The following DNAH14 variants were observed in gnomAD, a reference collection of about 807,000 sequenced individuals.
DNAH14 encodes the protein axonemal beta dynein heavy chain 14.
In DNAH14, 478 loss-of-function variants were observed where a neutral mutation model predicts 520.9. The observed-to-expected ratio is 0.92, with a 90% CI of 0.85 to 0.99. The LOEUF (loss-of-function observed/expected upper bound fraction) is 0.99, where lower values mean the gene tolerates loss of function less well. Among genes scored for constraint, DNAH14 ranks in the 50% least tolerant of loss-of-function variants. The pLI is 0.00. For missense variants in DNAH14, 4,831 were observed against 5,234.5 expected (o/e 0.92, Z 2.38); for synonymous variants, 1,581 against 1,757.2 (o/e 0.90, Z 2.51).
At chr1:225,117,398 C>A (rs968155073) in intron 23 of DNAH14, among the ~76,000 whole-genome samples, 1 of 150,876 alleles carries the variant, frequency 6.6e-6, no homozygotes, top group African/African-American at 2.4e-5. Flanking sequence ...TGCTCCCAGG[C>A]AATAATGACA....
intron 21 of DNAH14, 66 bp from the exon 22 acceptor site, chr1:225,097,052 A>T (rs1007087827): frequency 8.2e-5 from 110 of 1,339,382 alleles, no homozygotes; most frequent in Non-Finnish European, 1.1e-4. Context: ...TGTTTCTGTT[A>T]TGTAACTCTT....
chr1:225,294,340 A>C (rs2150024981), intron 55 of DNAH14, among the ~76,000 whole-genome samples: 1 of 152,182 alleles, frequency 6.6e-6, no homozygotes, highest in Non-Finnish European at 1.5e-5. Flanking sequence ...TCAGTTTGCT[A>C]GTATTTTGTT....
chr1:225,003,741 G>A (rs1316897755), intron 9 of DNAH14, among the ~76,000 whole-genome samples: 1 of 152,052 alleles, frequency 6.6e-6, no homozygotes, highest in Non-Finnish European at 1.5e-5. Context: ...TATAGAGAAT[G>A]TTTATGTTTC....
At chr1:225,258,550 T>C (rs906131732) in intron 45 of DNAH14, among the ~76,000 whole-genome samples, 1 of 152,212 alleles carries the variant, frequency 6.6e-6, no homozygotes. Flanking sequence ...TAATGCGTAT[T>C]TCAACCCATC....
Position 225,117,899 on chromosome 1 carries a change from T to C in DNAH14, c.3991T>C (p.Phe1331Leu). 1 of 1,549,732 alleles carries C rather than the reference T, an allele frequency of 6.5e-7. No individual in the cohort carries two copies. Among genetic ancestry groups the C allele is most frequent in the Non-Finnish European group, 8.7e-7 (1 of 1,145,570 alleles). The change falls in exon 25 of 86, where the codon TTT becomes CTT. Residue 1331 changes from phenylalanine to leucine, a missense_variant. Physicochemically the swap from Phe to Leu is conservative, Grantham distance 22. Coordinates refer to ENST00000682510, the MANE Select transcript of DNAH14 (RefSeq NM_001367479.1). ...ESVQPHLVKCFENIKQLLIWK... is the reference protein window; with the variant it reads ...ESVQPHLVKCLENIKQLLIWK... ...TTCACAGCCTCATCTTGTGAAATGC[T>C]TTGAAAATATAAAACAATTATTGAT...
chr1:225,145,291 T>C (rs751590372), intron 29 of DNAH14, 35 bp from the exon 30 acceptor site: 28 of 1,511,936 alleles, frequency 1.9e-5, no homozygotes, highest in Non-Finnish European at 2.3e-5. Flanking sequence ...TGTGTCATAA[T>C]TCAAGAAAGA....
At position 225,192,678 on chromosome 1, in the gene DNAH14, A is replaced by G; in HGVS notation, c.5671-18A>G. 4 of 1,517,048 alleles carry G rather than the reference A, an allele frequency of 2.6e-6. No individual in the cohort carries two copies. The highest frequency in any genetic ancestry group is 2.4e-5 in the South Asian group (2 of 82,492). 94.0% of individuals were successfully genotyped at this position (1,517,048 alleles called of 1,614,324 possible). A position where few individuals can be genotyped will look rare whatever the true frequency, so the allele number is the denominator to read the frequency against. ...TCTATAGTTAATGTCTTTAAAAACT[A>G]CACTGGATTTTTCCCAGATTTCAGA... On this transcript the variant is annotated intron_variant, in intron 37 of 85. Transcript: ENST00000682510.
At chr1:225,174,647 A>G (rs1338778994) in intron 36 of DNAH14, among the ~76,000 whole-genome samples, 1 of 152,094 alleles carries the variant, frequency 6.6e-6, no homozygotes, top group Non-Finnish European at 1.5e-5. Flanking sequence ...CTCCTTTCTA[A>G]TTTGGATGTC....
intron 3 of DNAH14, among the ~76,000 whole-genome samples, chr1:224,956,702 T>C (rs890511150): frequency 2.6e-5 from 4 of 152,154 alleles, no homozygotes; most frequent in African/African-American, 9.7e-5. Flanking sequence ...GGTACACCTT[T>C]AGTTGTCTTC....
intron 23 of DNAH14, among the ~76,000 whole-genome samples, chr1:225,103,370 C>T (rs1046350553): frequency 5.9e-5 from 9 of 152,230 alleles, no homozygotes; most frequent in African/African-American, 1.2e-4. Flanking sequence ...CTTGACAATG[C>T]GGGCTCTTTT....
At chr1:225,111,173 G>A (rs2076448137) in intron 23 of DNAH14, among the ~76,000 whole-genome samples, 1 of 152,018 alleles carries the variant, frequency 6.6e-6, no homozygotes, top group Non-Finnish European at 1.5e-5. Context: ...TTTCTTTGTT[G>A]ATTTTCTGTC....
At chr1:225,288,424 A>C (rs1337135508) in intron 54 of DNAH14, among the ~76,000 whole-genome samples, 1 of 152,142 alleles carries the variant, frequency 6.6e-6, no homozygotes, top group Admixed American at 6.6e-5. Context: ...ATTCCGAAGG[A>C]GAGAAAAATT....
At position 225,082,533 on chromosome 1, in the gene DNAH14, C is replaced by T; in HGVS notation, c.3137-16C>T. The T allele has an allele frequency of 6.6e-7, 1 of 1,512,570 alleles. No homozygotes were observed. 93.7% of individuals were successfully genotyped at this position (1,512,570 alleles called of 1,614,324 possible). A position where few individuals can be genotyped will look rare whatever the true frequency, so the allele number is the denominator to read the frequency against. ...ATGAACATATTATAAGCCTACTGAC[C>T]CATTGTTATTTATAGGTTTACCTAA... On this transcript the variant is annotated splice_polypyrimidine_tract_variant and intron_variant, in intron 19 of 85. Coordinates refer to ENST00000682510, the MANE Select transcript of DNAH14 (RefSeq NM_001367479.1).
At chr1:225,073,566 T>G (rs2071813578) in intron 17 of DNAH14, among the ~76,000 whole-genome samples, 1 of 152,170 alleles carries the variant, frequency 6.6e-6, no homozygotes, top group East Asian at 1.9e-4. Context: ...GAGGATGGAA[T>G]GACTAAGTCA....
In DNAH14 at chr1:224,955,033, A is replaced by T. The variant is rs2060424546; in HGVS notation, c.152A>T (p.Lys51Met). ...ACTCAACCAGCTGAAATAGCAGAAA[A>T]GGAAACATTGGAATATAAAACAGTT... ...LETQPAEIAE[K>M]ETLEYKTVRT... Residue 51 changes from lysine to methionine, a missense_variant, in exon 3 of 86, where the codon AAG (lysine) becomes ATG (methionine). Coordinates refer to ENST00000682510, the MANE Select transcript of DNAH14 (RefSeq NM_001367479.1). The T allele has an allele frequency of 1.2e-6, 2 of 1,611,964 alleles. No individual in the cohort carries two copies. The highest frequency in any genetic ancestry group is 1.7e-6 in the Non-Finnish European group (2 of 1,178,534).
At chr1:225,256,666 A>G (rs1162158754) in intron 44 of DNAH14, among the ~76,000 whole-genome samples, 1 of 152,222 alleles carries the variant, frequency 6.6e-6, no homozygotes, top group Non-Finnish European at 1.5e-5. Context: ...TCCAATAAAC[A>G]TACCACATTA....
chr1:225,307,233 T>C (rs1261179441), intron 58 of DNAH14, among the ~76,000 whole-genome samples: 1 of 152,190 alleles, frequency 6.6e-6, no homozygotes, highest in Non-Finnish European at 1.5e-5. Context: ...TTTTATCAAA[T>C]GTTTTTTCTG....
At position 225,321,541 on chromosome 1, in the gene DNAH14, T is replaced by C. The variant is rs1397632788; in HGVS notation, c.9336-1123T>C. 2.0e-5 allele frequency among the ~76,000 whole-genome samples: 3 copies of C among 152,228 alleles called. No homozygotes were observed. The East Asian group carries it at 5.8e-4, about 29-fold the overall frequency. On this transcript the variant is annotated intron_variant, in intron 61 of 85. Transcript: ENST00000682510. ...TTGGTTGCCTTCCTTCTTTGGGAAG[T>C]CTGTGCGATTTTCACTTGGTGAGGC...
intron 61 of DNAH14, 132 bp from the exon 62 acceptor site, chr1:225,322,532 C>T: frequency 1.2e-6 from 1 of 815,268 alleles, no homozygotes; most frequent in South Asian, 3.6e-5. Context: ...AATTAAATAG[C>T]TATATGTTGA....
Sources: gnomAD v4.1 joint callset for allele counts (sites outside exome capture counted in the v4.1 genomes callset) on GRCh38, gnomAD v4.1.1 for gene constraint, MANE v1.5 for transcripts, NCBI Gene and HGNC (gene_info 2026-07-23, HGNC 2026-07-21) for gene names.